The following SOS1 variants were observed in gnomAD, a reference collection of about 807,000 sequenced individuals.
The protein encoded by SOS1 is SOS Ras/Rac guanine nucleotide exchange factor 1.
SOS1 carries 25 observed loss-of-function variants against 157.6 expected under a neutral mutation model. The ratio of observed to expected loss-of-function variants is 0.16; its 90% confidence interval spans 0.12 to 0.22. The LOEUF (loss-of-function observed/expected upper bound fraction) is 0.22, where lower values mean the gene tolerates loss of function less well. Among genes scored for constraint, SOS1 ranks in the 10% least tolerant of loss-of-function variants. The pLI is 1.00. For synonymous variants in SOS1, 528 were observed against 534.0 expected, an observed-to-expected ratio of 0.99 and a Z score of 0.16; for missense variants, 1,237 against 1,599.1, an observed-to-expected ratio of 0.77 and a Z score of 3.86.
chr2:39,062,440 A>AT (rs1221444933), intron 2 of SOS1, among the ~76,000 whole-genome samples: 12 of 150,214 alleles, frequency 8.0e-5, no homozygotes, highest in South Asian at 2.1e-4. Context: ...AAAATTAAAA[A>AT]AAAAAAGAAA....
At chr2:39,011,972 A>C (rs1311814240) in intron 14 of SOS1, among the ~76,000 whole-genome samples, 154 bp downstream of exon 14, 2 of 152,202 alleles carry the variant, frequency 1.3e-5, no homozygotes, top group Non-Finnish European at 2.9e-5. Flanking sequence ...GGGGAGTAAA[A>C]GAACAGGAAC....
intron 1 of SOS1, among the ~76,000 whole-genome samples, chr2:39,084,000 G>C (rs1672292059): frequency 6.6e-6 from 1 of 152,062 alleles, no homozygotes; most frequent in Admixed American, 6.6e-5. Flanking sequence ...TCCAAGACTG[G>C]TATCCTTAAT....
At chr2:39,103,604 G>A (rs540362999) in intron 1 of SOS1, among the ~76,000 whole-genome samples, 2 of 152,280 alleles carry the variant, frequency 1.3e-5, no homozygotes, top group African/African-American at 2.4e-5. Context: ...AAAGAATGAC[G>A]TTGGACTCCT....
chr2:39,067,840 C>G, intron 1 of SOS1, 87 bp from the exon 2 acceptor site: 1 of 1,209,810 alleles, frequency 8.3e-7, no homozygotes, highest in Non-Finnish European at 1.2e-6. Flanking sequence ...GGTTTGTGGC[C>G]GGGCACGGTG....
intron 10 of SOS1, among the ~76,000 whole-genome samples, chr2:39,015,607 C>T (rs1669603239): frequency 6.6e-6 from 1 of 151,810 alleles, no homozygotes; most frequent in Non-Finnish European, 1.5e-5. Context: ...GATCACTCCC[C>T]TAGGCCTGAC....
chr2:39,065,667 C>G (rs1411820768), intron 2 of SOS1, among the ~76,000 whole-genome samples: 1 of 152,170 alleles, frequency 6.6e-6, no homozygotes, highest in Non-Finnish European at 1.5e-5. Context: ...TACCTGGTAT[C>G]AGAATGCATG....
rs762177397 is a variant in SOS1, at chr2:39,012,224, A to G, written c.2292T>C (p.His764=). ...FQSSPPTVEW[H]ISRPGHIETF... ...TCTCTATGTGCCCAGGTCTGCTTATATGCCACTCAACTGTGGGAGGTGAAC... is the reference window on the plus strand; with the variant it reads ...TCTCTATGTGCCCAGGTCTGCTTATGTGCCACTCAACTGTGGGAGGTGAAC... Residue 764 remains histidine (H), a synonymous_variant, in exon 14 of 23, where the codon CAT becomes CAC. Transcript: ENST00000402219. The G allele has an allele frequency of 1.2e-6, 2 of 1,613,532 alleles. No homozygotes were observed. The highest frequency in any genetic ancestry group is 1.7e-6 in the Non-Finnish European group (2 of 1,179,652).
chr2:39,123,335 T>C (rs1321218047), upstream of SOS1, among the ~76,000 whole-genome samples: 2 of 151,780 alleles, frequency 1.3e-5, no homozygotes, highest in African/African-American at 4.8e-5. Flanking sequence ...TGTAAACTCC[T>C]AGAGAGAGAG....
At chr2:39,029,607 G>C (rs1167168340) in intron 8 of SOS1, among the ~76,000 whole-genome samples, 2 of 152,126 alleles carry the variant, frequency 1.3e-5, no homozygotes, top group Admixed American at 1.3e-4. Context: ...CTGGGTGACA[G>C]AGTGAGACCC....
In SOS1 at chr2:39,086,403, A is replaced by C. The variant is rs150099591; in HGVS notation, c.88-18650T>G. ...TGTAAGATGAGCAGATGTTTTCATA[A>C]GTGGGAGAGGGAACAAGAGATCAAG... is the stretch of plus-strand genomic sequence containing the variant. On this transcript the variant is annotated intron_variant, in intron 1 of 22. Coordinates refer to ENST00000402219, the MANE Select transcript of SOS1 (RefSeq NM_005633.4). 1.5e-3 allele frequency among the ~76,000 whole-genome samples: 234 copies of C among 152,344 alleles called. 2 individuals are homozygous for C. The highest frequency in any genetic ancestry group is 5.1e-3 in the African/African-American group (213 of 41,578).
intron 1 of SOS1, among the ~76,000 whole-genome samples, chr2:39,094,815 C>G (rs1027622296): frequency 1.3e-5 from 2 of 152,168 alleles, no homozygotes; most frequent in Non-Finnish European, 2.9e-5. Context: ...TATGAAAAAT[C>G]TATTTACAAA....
At chr2:39,036,837 A>G (rs1670371366) in intron 6 of SOS1, among the ~76,000 whole-genome samples, 1 of 151,646 alleles carries the variant, frequency 6.6e-6, no homozygotes, top group Non-Finnish European at 1.5e-5. Context: ...GGCCTCCCAA[A>G]GTGCTAGGAT....
intron 1 of SOS1, among the ~76,000 whole-genome samples, chr2:39,112,066 C>T (rs1411727278): frequency 6.6e-6 from 1 of 152,094 alleles, no homozygotes; most frequent in Non-Finnish European, 1.5e-5. Context: ...TCCCACTATC[C>T]TTCTCTTCTA....
intron 19 of SOS1, among the ~76,000 whole-genome samples, chr2:38,996,498 CTT>C (rs1668898643): frequency 6.6e-6 from 1 of 152,078 alleles, no homozygotes; most frequent in Non-Finnish European, 1.5e-5. Flanking sequence ...ACAATGGAAA[CTT>C]TATTTTCCCA....
At chr2:39,082,488 A>G (rs1672239457) in intron 1 of SOS1, 1 of 139,336 alleles carries the variant, frequency 7.2e-6, no homozygotes, top group African/African-American at 3.1e-5. Flanking sequence ...ATAAAGAGAA[A>G]CAGAGAAAAA....
chr2:38,985,721 T>TGG lies in SOS1; in HGVS notation c.*102_*103insCC. 8.1e-7 allele frequency: 1 copy of TGG among 1,227,610 alleles called. No individual in the cohort carries two copies. 76.0% of individuals were successfully genotyped at this position (1,227,610 alleles called of 1,614,324 possible). On this transcript the variant is annotated 3_prime_UTR_variant, in exon 23 of 23. Coordinates refer to ENST00000402219, the MANE Select transcript of SOS1 (RefSeq NM_005633.4). ...GCATCTTGAAGAAGAGTCGTTAGTG[T>TGG]TTGGAGTTCTCATTTTAACTCCTCA...
At chr2:39,036,432 C>A (rs1255756348) in intron 6 of SOS1, among the ~76,000 whole-genome samples, 2 of 152,076 alleles carry the variant, frequency 1.3e-5, no homozygotes, top group African/African-American at 4.8e-5. Context: ...CTCACTACAA[C>A]CTCTGCCCCC....
intron 1 of SOS1, among the ~76,000 whole-genome samples, chr2:39,084,225 A>T (rs2148175672): frequency 6.6e-6 from 1 of 152,350 alleles, no homozygotes; most frequent in East Asian, 1.9e-4. Flanking sequence ...AAACTAATAC[A>T]ACTATATATG....
chr2:39,065,309 A>C (rs973295084), intron 2 of SOS1, among the ~76,000 whole-genome samples: 6 of 152,186 alleles, frequency 3.9e-5, no homozygotes, highest in African/African-American at 1.4e-4. Flanking sequence ...GCTGAAACCT[A>C]AACTCCACTG....
Sources: allele counts gnomAD v4.1 joint callset (sites outside exome capture counted in the v4.1 genomes callset), GRCh38; gene constraint gnomAD v4.1.1; transcripts MANE v1.5; gene names NCBI Gene and HGNC (gene_info 2026-07-23, HGNC 2026-07-21).